The following SH2B3 variants were observed in gnomAD, a reference collection of about 807,000 sequenced individuals.
The protein encoded by SH2B3 is SH2B adaptor protein 3.
A neutral mutation model predicts 51.9 loss-of-function variants in SH2B3; 43 were observed. The ratio of observed to expected loss-of-function variants is 0.83; its 90% CI spans 0.65 to 1.07. The LOEUF (loss-of-function observed/expected upper bound fraction) is 1.07, where lower values mean the gene tolerates loss of function less well. SH2B3 is among the 50% of genes least tolerant of loss of function. SH2B3 has a pLI of 0.00. For missense variants in SH2B3, 952 were observed against 834.3 expected (o/e 1.14, Z -1.74); for synonymous variants, 396 against 376.0 (o/e 1.05, Z -0.62).
Position 111,418,528 on chromosome 12 carries a change from G to T in SH2B3, c.383G>T (p.Arg128Leu). 1 of 1,398,904 alleles carries T rather than the reference G, an allele frequency of 7.1e-7. No individual in the cohort carries two copies. The highest frequency in any genetic ancestry group is 3.4e-5 in the East Asian group (1 of 29,494). The allele number at this position is 1,398,904 out of a possible 1,614,324, so 86.7% of individuals were successfully genotyped here. Residue 128 changes from arginine (R) to leucine (L), a missense_variant, in exon 2 of 8, where the codon CGG becomes CTG. Physicochemically the swap from Arg to Leu is moderately radical, Grantham distance 102. Transcript: ENST00000341259. The surrounding 1 kb of genome is among the most constrained non-coding windows in gnomAD (Gnocchi z 6.7). ...AGCTCTGAGGAGCTGGCCCCGCCGC[G>T]GCCGCCCGGGCCCTGCTCCTTCCAG... ...ARSSEELAPP[R>L]PPGPCSFQHF...
intron 2 of SH2B3, among the ~76,000 whole-genome samples, chr12:111,440,623 C>T (rs1873318221): frequency 6.6e-6 from 1 of 152,240 alleles, no homozygotes; most frequent in African/African-American, 2.4e-5. Flanking sequence ...GGGGCTGTGC[C>T]TTCTGCCCTC....
chr12:111,430,000 A>G lies in SH2B3; in HGVS notation c.732+11123A>G, dbSNP rs1208495935. On this transcript the variant is annotated intron_variant, in intron 2 of 7. Transcript: ENST00000341259. This position sits in a 1 kb window ranked among gnomAD's most constrained non-coding sequence, Gnocchi z 4.4. ...AGGCAGAGCTCAGGTCCTGGCGGGC[A>G]CACAGGCTTAAGAAGCCGGTTTTTT... is the stretch of plus-strand genomic sequence containing the variant. 6.6e-6 allele frequency among the ~76,000 whole-genome samples: 1 copy of G among 152,196 alleles called. No individual in the cohort carries two copies. The highest frequency in any genetic ancestry group is 6.5e-5 in the Admixed American group (1 of 15,284).
chr12:111,424,744 G>T (rs1198440978), intron 2 of SH2B3, among the ~76,000 whole-genome samples: 2 of 152,208 alleles, frequency 1.3e-5, no homozygotes, highest in Admixed American at 1.3e-4. Flanking sequence ...GTGTCCAGGT[G>T]ATGGGCCAAG....
In SH2B3 at chr12:111,448,371, G is replaced by A. The variant is rs535118530; in HGVS notation, c.*69G>A. The A allele has an allele frequency of 2.6e-6, 3 of 1,134,388 alleles. No homozygotes were observed. The highest frequency in any genetic ancestry group is 2.5e-6 in the Non-Finnish European group (2 of 791,266). The allele number at this position is 1,134,388 out of a possible 1,614,324, so 70.3% of individuals were successfully genotyped here. On this transcript the variant is annotated 3_prime_UTR_variant, in exon 8 of 8. Transcript: ENST00000341259. ...CAGGCAGAAGTGTGAACTTGTGAATGTAATTGATCTTTCCTTCCTTCCAGA... is the reference window on the plus strand; with the variant it reads ...CAGGCAGAAGTGTGAACTTGTGAATATAATTGATCTTTCCTTCCTTCCAGA...
At chr12:111,413,627 G>A (rs762770251) in intron 1 of SH2B3, among the ~76,000 whole-genome samples, 5 of 152,208 alleles carry the variant, frequency 3.3e-5, no homozygotes, top group African/African-American at 7.2e-5. Context: ...AAGGTAGGAC[G>A]GCCCAGGGGG....
At chr12:111,408,518 C>T (rs1280449004) in intron 1 of SH2B3, among the ~76,000 whole-genome samples, 1 of 151,692 alleles carries the variant, frequency 6.6e-6, no homozygotes, top group South Asian at 2.1e-4. Context: ...ATTTCTGGCT[C>T]CCGCTGTGCC....
Position 111,447,026 on chromosome 12 carries a change from G to A in SH2B3, c.919G>A (p.Gly307Ser), listed in dbSNP as rs747361036. ...GATGGCTGAGCTCTCGGAGTGCACA[G>A]GCCGAGGGTGAGGTCCTGGGCCCTC... The part of the protein sequence containing the change: ...SWMAELSECT[G>S]RGLESTEAEM... The change falls in exon 4 of 8, where the codon GGC becomes AGC. Residue 307 changes from glycine (G) to serine (S), a missense_variant. Transcript: ENST00000341259. 2 of 1,613,686 alleles carry A rather than the reference G, an allele frequency of 1.2e-6. No homozygotes were observed. Among genetic ancestry groups the A allele is most frequent in the Non-Finnish European group, 1.7e-6 (2 of 1,179,630 alleles).
intron 2 of SH2B3, among the ~76,000 whole-genome samples, chr12:111,431,891 G>GC (rs139105660): frequency 6.6e-6 from 1 of 152,164 alleles, no homozygotes; most frequent in African/African-American, 2.4e-5. Context: ...ACAGGCGTGA[G>GC]CCACCACCAC....
chr12:111,432,828 G>A (rs1872594120), intron 2 of SH2B3, among the ~76,000 whole-genome samples: 1 of 152,186 alleles, frequency 6.6e-6, no homozygotes, highest in Admixed American at 6.5e-5. Context: ...CGAAGTTACA[G>A]CATGTATTTT....
intron 1 of SH2B3, among the ~76,000 whole-genome samples, chr12:111,413,723 GTTCA>G (rs753800469): frequency 6.6e-6 from 1 of 152,250 alleles, no homozygotes; most frequent in Non-Finnish European, 1.5e-5. Context: ...GCATTCATAT[GTTCA>G]TTCATTCAAG....
chr12:111,434,643 T>A, intron 2 of SH2B3: 1 of 332,576 alleles, frequency 3.0e-6, no homozygotes, highest in Non-Finnish European at 4.3e-6. Flanking sequence ...TTTGCTTTTT[T>A]ACCTTAGAAA....
chr12:111,434,742 A>G (rs1370716435), intron 2 of SH2B3: 15 of 1,417,820 alleles, frequency 1.1e-5, no homozygotes, highest in Admixed American at 2.8e-5. Flanking sequence ...TAATTATTTA[A>G]TCCAGCTGGC....
Position 111,410,202 on chromosome 12 carries a change from A to G in SH2B3, c.-28+3925A>G, listed in dbSNP as rs540141794. ...AGCTGGGAGACTGGGAATGTGATCA[A>G]TCAGGGAGGTGGACACACAAGGGGA... On this transcript the variant is annotated intron_variant, in intron 1 of 7. Transcript: ENST00000341259. This position sits in a 1 kb window ranked among gnomAD's most constrained non-coding sequence, Gnocchi z 4.9. Among the ~76,000 whole-genome samples the G allele has an allele frequency of 6.6e-6, 1 of 152,194 alleles. No homozygotes were observed. Among genetic ancestry groups the G allele is most frequent in the Non-Finnish European group, 1.5e-5 (1 of 68,014 alleles).
chr12:111,420,117 C>T (rs1266670020), intron 2 of SH2B3, among the ~76,000 whole-genome samples: 1 of 152,116 alleles, frequency 6.6e-6, no homozygotes, highest in Non-Finnish European at 1.5e-5. Context: ...GGCTCAAAAC[C>T]TTCAGAGAAT....
At position 111,448,700 on chromosome 12, in the gene SH2B3, A is replaced by C. The variant is rs1874314270; in HGVS notation, c.*398A>C. ...TTTCTACGGGGAGGAGGGGGGGATCATCAGGAAGCCCAGAACACTAACAAG... is the reference window on the plus strand; with the variant it reads ...TTTCTACGGGGAGGAGGGGGGGATCCTCAGGAAGCCCAGAACACTAACAAG... On this transcript the variant is annotated 3_prime_UTR_variant, in exon 8 of 8. Coordinates refer to ENST00000341259, the MANE Select transcript of SH2B3 (RefSeq NM_005475.3). 4.8e-6 allele frequency: 1 copy of C among 209,490 alleles called. No individual in the cohort carries two copies. The highest frequency in any genetic ancestry group is 5.2e-5 in the Admixed American group (1 of 19,130). The allele number at this position is 209,490 out of a possible 1,614,324, so 13.0% of individuals were successfully genotyped here.
At chr12:111,408,269 C>T (rs1336593627) in intron 1 of SH2B3, among the ~76,000 whole-genome samples, 1 of 152,138 alleles carries the variant, frequency 6.6e-6, no homozygotes, top group Admixed American at 6.5e-5. Context: ...TTCCTAGAGT[C>T]ATGGGAACCA....
At chr12:111,425,363 C>T (rs973764974) in intron 2 of SH2B3, among the ~76,000 whole-genome samples, 5 of 152,044 alleles carry the variant, frequency 3.3e-5, no homozygotes, top group Admixed American at 6.5e-5. Context: ...AGCGTGGGCC[C>T]TTGGGAGGTG....
At chr12:111,431,419 C>A (rs1872485347) in intron 2 of SH2B3, among the ~76,000 whole-genome samples, 3 of 152,040 alleles carry the variant, frequency 2.0e-5, no homozygotes, top group African/African-American at 7.2e-5. Flanking sequence ...CGAGGGCCTC[C>A]ATGTCTGAGT....
rs926161210 is a variant in SH2B3 at position 111,429,550 on chromosome 12, T to A, written c.732+10673T>A. Among the ~76,000 whole-genome samples, 4 of 152,136 alleles carry A rather than the reference T, an allele frequency of 2.6e-5. No homozygotes were observed. The highest frequency in any genetic ancestry group is 9.7e-5 in the African/African-American group (4 of 41,434). On this transcript the variant is annotated intron_variant, in intron 2 of 7. Transcript: ENST00000341259. This position sits in a 1 kb window ranked among gnomAD's most constrained non-coding sequence, Gnocchi z 4.4. ...GGTTTCGCCATGTTGGCCAGGCTGGTCTCGAACTCCTGACCTCAGGCTGTC... is the reference window on the plus strand; with the variant it reads ...GGTTTCGCCATGTTGGCCAGGCTGGACTCGAACTCCTGACCTCAGGCTGTC...
Sources: allele counts gnomAD v4.1 joint callset (sites outside exome capture counted in the v4.1 genomes callset), GRCh38; gene constraint gnomAD v4.1.1; non-coding constraint Gnocchi (gnomAD v3.1); transcripts MANE v1.5; gene names NCBI Gene and HGNC (gene_info 2026-07-23, HGNC 2026-07-21).